Variants in DISP1 observed in about 807,000 individuals in gnomAD.
The protein encoded by DISP1 is dispatched RND transporter family member 1, also known as protein dispatched homolog 1.
In DISP1, 30 loss-of-function variants were observed where a neutral mutation model predicts 37.3. The ratio of observed to expected loss-of-function variants is 0.80; its 90% CI spans 0.60 to 1.09. The LOEUF (loss-of-function observed/expected upper bound fraction) is 1.09, where lower values mean the gene tolerates loss of function less well. Ranked by LOEUF, DISP1 falls within the 50% of genes least tolerant of loss-of-function variation. The pLI, the probability that DISP1 is intolerant of heterozygous loss-of-function variation, is 0.00. For missense variants in DISP1, 1,598 were observed against 1,879.5 expected (o/e 0.85, Z 2.77); for synonymous variants, 634 against 690.2 (o/e 0.92, Z 1.28).
Position 223,002,869 on chromosome 1 carries a change from T to C in DISP1, c.1472T>C (p.Ile491Thr), listed in dbSNP as rs1195332062. ...ACCATCACCGGGATTGAGTTTGGTA[T>C]CAAACACAGTTTGTTTCAGGATTAT... ...VTTITGIEFG[I>T]KHSLFQDYLL... The change falls in exon 9 of 9, where the codon ATC becomes ACC. Residue 491 changes from isoleucine (I) to threonine (T), a missense_variant. Transcript: ENST00000675850. 3.7e-6 allele frequency: 6 copies of C among 1,613,988 alleles called. No individual in the cohort carries two copies. The South Asian group carries it at 4.4e-5, about 12-fold the overall frequency.
Position 223,003,050 on chromosome 1 carries a change from C to T in DISP1, c.1653C>T (p.His551=), listed in dbSNP as rs1047223175. The T allele has an allele frequency of 1.2e-6, 2 of 1,614,092 alleles. No homozygotes were observed. Among genetic ancestry groups the T allele is most frequent in the African/African-American group, 1.3e-5 (1 of 75,018 alleles). ...ATTTTCTCTATCGTGTAGTATTTCACTTCGAATTTTTTCCTTTTATGAACC... is the reference window on the plus strand; with the variant it reads ...ATTTTCTCTATCGTGTAGTATTTCATTTCGAATTTTTTCCTTTTATGAACC... The part of the protein sequence containing the change: ...VSYFLYRVVF[H]FEFFPFMNLT... Residue 551 remains histidine, a synonymous_variant, in exon 9 of 9, where the codon CAC becomes CAT. Coordinates refer to ENST00000675850, the MANE Select transcript of DISP1 (RefSeq NM_001377229.1). The surrounding 1 kb of genome is among the most constrained non-coding windows in gnomAD (Gnocchi z 4.3).
intron 1 of DISP1, among the ~76,000 whole-genome samples, chr1:222,825,071 C>A (rs1196924477): frequency 6.6e-6 from 1 of 151,212 alleles, no homozygotes. Context: ...GCCCTAGAAG[C>A]CTGTTCAGGT....
chr1:222,909,504 T>C lies in DISP1; in HGVS notation c.-158-18926T>C, dbSNP rs149922178. ...ATATATGCACATTTACTTGAACTTA[T>C]CATGTAAAAATTTATCAGCATTTAT... On this transcript the variant is annotated intron_variant, in intron 1 of 8. Transcript: ENST00000675850. Among the ~76,000 whole-genome samples the C allele has an allele frequency of 3.7e-3, 558 of 152,324 alleles. 1 individual carries two copies. Among genetic ancestry groups the C allele is most frequent in the Non-Finnish European group, 5.6e-3 (379 of 68,036 alleles).
At chr1:222,840,867 G>C (rs890901492) in intron 1 of DISP1, among the ~76,000 whole-genome samples, 1 of 151,494 alleles carries the variant, frequency 6.6e-6, no homozygotes, top group African/African-American at 2.4e-5. Context: ...CAGCCAGAAG[G>C]GTTCTTAAAA....
intron 2 of DISP1, among the ~76,000 whole-genome samples, chr1:222,938,976 C>T (rs192223689): frequency 6.6e-6 from 1 of 152,004 alleles, no homozygotes; most frequent in Non-Finnish European, 1.5e-5. Context: ...ATTTTTTTAC[C>T]TGTACTTTTT....
chr1:222,971,479 C>T (rs946508), intron 3 of DISP1, among the ~76,000 whole-genome samples: 148,484 of 151,832 alleles, frequency 0.98, 72,682 homozygotes, highest in East Asian at 1. Context: ...CCGAATAATT[C>T]TGTAGGGACA....
intron 3 of DISP1, among the ~76,000 whole-genome samples, chr1:222,959,711 AAAAAAG>A (rs1212690478): frequency 2.6e-5 from 4 of 151,484 alleles, no homozygotes; most frequent in African/African-American, 7.2e-5. Flanking sequence ...AAAAAAAAAA[AAAAAAG>A]AAAGAAAAGA....
rs190190218 is a variant in DISP1 at position 222,947,999 on chromosome 1, G to A, written c.509+4667G>A. Among the ~76,000 whole-genome samples the A allele has an allele frequency of 1.0e-3, 153 of 152,322 alleles. No homozygotes were observed. The Middle Eastern group carries it at 0.017, about 17-fold the overall frequency. ...AGATTTGGTGGATGATTGGATATCGGAGGGGCAAAGGGAGTAAGAATCACA... is the reference window on the plus strand; with the variant it reads ...AGATTTGGTGGATGATTGGATATCGAAGGGGCAAAGGGAGTAAGAATCACA... On this transcript the variant is annotated intron_variant, in intron 3 of 8. Coordinates refer to ENST00000675850, the MANE Select transcript of DISP1 (RefSeq NM_001377229.1).
chr1:222,848,424 A>T (rs1668041054), intron 1 of DISP1, among the ~76,000 whole-genome samples: 1 of 151,484 alleles, frequency 6.6e-6, no homozygotes, highest in South Asian at 2.1e-4. Context: ...AAAAGTAAAA[A>T]TTATAGTAAG....
At chr1:222,822,802 T>C (rs1292971802) in intron 1 of DISP1, among the ~76,000 whole-genome samples, 3 of 152,260 alleles carry the variant, frequency 2.0e-5, no homozygotes, top group Non-Finnish European at 4.4e-5. Context: ...TAGCCTTTGC[T>C]GCACACCTTC....
intron 1 of DISP1, among the ~76,000 whole-genome samples, chr1:222,854,451 A>G (rs752220640): frequency 1.3e-5 from 2 of 152,192 alleles, no homozygotes; most frequent in Non-Finnish European, 2.9e-5. Context: ...TCACGAGAAC[A>G]TCATGGGGGA....
chr1:222,907,006 A>C (rs908182027), intron 1 of DISP1, among the ~76,000 whole-genome samples: 1 of 152,232 alleles, frequency 6.6e-6, no homozygotes. Context: ...ACCACTTAGC[A>C]TGGTGACTAA....
intron 7 of DISP1, among the ~76,000 whole-genome samples, chr1:222,993,114 C>G (rs1046577087): frequency 6.6e-6 from 1 of 152,006 alleles, no homozygotes; most frequent in African/African-American, 2.4e-5. Flanking sequence ...GACCATACCG[C>G]CTTGACTTCC....
chr1:222,984,395 C>T (rs1389042257), intron 4 of DISP1, among the ~76,000 whole-genome samples: 1 of 89,644 alleles, frequency 1.1e-5, no homozygotes, highest in Non-Finnish European at 2.0e-5. Flanking sequence ...CAGAGCCAGA[C>T]TCTGTCTCAA....
At chr1:222,903,437 T>C (rs1671723028) in intron 1 of DISP1, among the ~76,000 whole-genome samples, 1 of 146,990 alleles carries the variant, frequency 6.8e-6, no homozygotes, top group African/African-American at 2.4e-5. Flanking sequence ...ACCCTAAAAC[T>C]TAAAGTATAA....
intron 7 of DISP1, among the ~76,000 whole-genome samples, chr1:222,994,584 G>A (rs973001920): frequency 1.3e-5 from 2 of 152,130 alleles, no homozygotes; most frequent in Admixed American, 1.3e-4. Context: ...TTCGTTTCCT[G>A]TTGTAAATTC....
chr1:222,832,194 A>G (rs1467914290), intron 1 of DISP1, among the ~76,000 whole-genome samples: 2 of 151,924 alleles, frequency 1.3e-5, no homozygotes, highest in Admixed American at 6.6e-5. Context: ...TCACTTGAAT[A>G]TGGGAGGCGG....
chr1:222,838,993 A>G (rs1360484730), intron 1 of DISP1, among the ~76,000 whole-genome samples: 1 of 152,140 alleles, frequency 6.6e-6, no homozygotes, highest in Non-Finnish European at 1.5e-5. Flanking sequence ...CATTTAGCTA[A>G]TACTAAAAAT....
At chr1:222,979,668 A>G in intron 3 of DISP1, 1 of 471,066 alleles carries the variant, frequency 2.1e-6, no homozygotes, top group South Asian at 1.5e-5. Flanking sequence ...TCAGATGTGA[A>G]CGTGTTCACT....
Sources: allele counts gnomAD v4.1 joint callset (sites outside exome capture counted in the v4.1 genomes callset), GRCh38; gene constraint gnomAD v4.1.1; non-coding constraint Gnocchi (gnomAD v3.1); transcripts MANE v1.5; gene names NCBI Gene and HGNC (gene_info 2026-07-23, HGNC 2026-07-21).